RNPC3: variants seen among roughly 807,000 people sequenced by gnomAD.
The protein encoded by RNPC3 is RNA-binding region-containing protein 3.
A neutral mutation model predicts 67.5 loss-of-function variants in RNPC3; 48 were observed. The observed-to-expected ratio is 0.71, with a 90% confidence interval of 0.56 to 0.90. RNPC3 has a LOEUF of 0.90. Ranked by LOEUF, RNPC3 falls within the 40% of genes least tolerant of loss-of-function variation. RNPC3 has a pLI of 0.00. For synonymous variants in RNPC3, 239 were observed against 210.3 expected (o/e 1.14, Z -1.18); for missense variants, 637 against 626.1 (o/e 1.02, Z -0.19).
At chr1:103,547,750 T>C (rs1288718791) in intron 12 of RNPC3, among the ~76,000 whole-genome samples, 2 of 152,208 alleles carry the variant, frequency 1.3e-5, no homozygotes, top group Non-Finnish European at 1.5e-5. Flanking sequence ...ATAAATGTTA[T>C]AAAAGCTAAT....
At chr1:103,537,115 C>T (rs142807314) in intron 6 of RNPC3, among the ~76,000 whole-genome samples, 12 of 152,016 alleles carry the variant, frequency 7.9e-5, no homozygotes, top group Non-Finnish European at 1.8e-4. Context: ...AGAAATATAA[C>T]TGCAGAGGAG....
In RNPC3 at chr1:103,536,127, T is replaced by A; in HGVS notation, c.557T>A (p.Val186Asp). Residue 186 changes from valine (V) to aspartate (D), a missense_variant and splice_region_variant, in exon 6 of 15, where the codon GTC becomes GAC. Physicochemically the swap from Val to Asp is radical, Grantham distance 152. Transcript: ENST00000423855. ...ATTTAAATGTCTTACCACTTTAAGGTCCTTCATCTTATGAATAAAATGAAT... is the reference window on the plus strand; with the variant it reads ...ATTTAAATGTCTTACCACTTTAAGGACCTTCATCTTATGAATAAAATGAAT... ...LASVPKFYVQ[V>D]LHLMNKMNLP... 6.5e-7 allele frequency: 1 copy of A among 1,532,148 alleles called. No individual in the cohort carries two copies. Among genetic ancestry groups the A allele is most frequent in the Non-Finnish European group, 8.8e-7 (1 of 1,142,414 alleles). 94.9% of individuals were successfully genotyped at this position (1,532,148 alleles called of 1,614,324 possible). A position where few individuals can be genotyped will look rare whatever the true frequency, so the allele number is the denominator to read the frequency against.
chr1:103,551,045 A>G lies in RNPC3; in HGVS notation c.1466A>G (p.Tyr489Cys). Residue 489 changes from tyrosine to cysteine, a missense_variant, in exon 13 of 15, where the codon TAT becomes TGT. Around this residue, in one of 3 missense-constraint regions of RNPC3, gnomAD observed 96 missense variants for 105.8 expected, o/e 0.91. Transcript: ENST00000423855. ...AAKALKEANG[Y>C]VLFGKPMVVQ... is the part of the protein sequence containing the mutation. ...AAAGCCTTAAAGGAAGCTAATGGATATGTGCTTTTTGGAAAACCCATGGTG... is the reference window on the plus strand; with the variant it reads ...AAAGCCTTAAAGGAAGCTAATGGATGTGTGCTTTTTGGAAAACCCATGGTG... 1 of 1,612,374 alleles carries G rather than the reference A, an allele frequency of 6.2e-7. No homozygotes were observed. The highest frequency in any genetic ancestry group is 8.5e-7 in the Non-Finnish European group (1 of 1,179,312).
rs376314663 is a variant in RNPC3 at position 103,537,436 on chromosome 1, C to G, written c.719C>G (p.Ser240Cys). Residue 240 changes from serine to cysteine, a missense_variant, in exon 7 of 15, where the codon TCT (serine) becomes TGT (cysteine). This residue lies in a region of RNPC3 where 536 missense variants were observed against 500.3 expected (regional missense o/e 1.07). Transcript: ENST00000423855. ...TTGCCAGACGAGGATGAGGAATTAT[C>G]TAGTGAAGAATCAGAATATGAAAGC... ...PPLPDEDEEL[S>C]SEESEYESTD... The G allele has an allele frequency of 1.4e-4, 217 of 1,536,586 alleles. No individual in the cohort carries two copies. Among genetic ancestry groups the G allele is most frequent in the Non-Finnish European group, 1.8e-4 (209 of 1,146,606 alleles).
At position 103,546,366 on chromosome 1, in the gene RNPC3, C is replaced by A. The variant is rs745534540; in HGVS notation, c.1302+24C>A. On this transcript the variant is annotated intron_variant, in intron 11 of 14. Coordinates refer to ENST00000423855, the MANE Select transcript of RNPC3 (RefSeq NM_017619.4). The stretch of plus-strand genomic sequence containing the variant: ...AGGTAGGTATAAATTGATTTTTTTT[C>A]ATGTAAATGAAAATAATTTGAAGGT... 36 of 1,157,070 alleles carry A rather than the reference C, an allele frequency of 3.1e-5. 1 individual carries two copies. In the South Asian group the frequency reaches 5.2e-4, roughly 17 times the overall value. 71.7% of individuals were successfully genotyped at this position (1,157,070 alleles called of 1,614,324 possible).
At chr1:103,553,327 C>T (rs1375122627) in intron 14 of RNPC3, 2 of 152,142 alleles carry the variant, frequency 1.3e-5, no homozygotes, top group Non-Finnish European at 2.9e-5. Flanking sequence ...TGTATCCTTT[C>T]TTGTCGTATC....
At chr1:103,542,770 A>C (rs1478569725) in intron 8 of RNPC3, among the ~76,000 whole-genome samples, 2 of 151,820 alleles carry the variant, frequency 1.3e-5, no homozygotes, top group African/African-American at 4.8e-5. Flanking sequence ...GTATGAAAAC[A>C]TAATGTAAAA....
At chr1:103,532,110 G>A (rs377709136) in intron 2 of RNPC3, among the ~76,000 whole-genome samples, 1 of 152,036 alleles carries the variant, frequency 6.6e-6, no homozygotes, top group African/African-American at 2.4e-5. Context: ...TTATGTTTTT[G>A]TTTGCTTTCT....
intron 13 of RNPC3, 94 bp downstream of exon 13, chr1:103,551,167 A>G (rs1346503102): frequency 3.1e-5 from 33 of 1,069,340 alleles, no homozygotes; most frequent in Middle Eastern, 2.8e-4. Context: ...AATTTCCACA[A>G]TTGGCATTCT....
chr1:103,538,340 T>C (rs554016779), intron 7 of RNPC3, among the ~76,000 whole-genome samples: 1 of 152,276 alleles, frequency 6.6e-6, no homozygotes, highest in East Asian at 1.9e-4. Flanking sequence ...TTTTTGAGTT[T>C]TTTTGTTGTG....
At chr1:103,550,871 G>A in intron 12 of RNPC3, 70 bp from the exon 13 acceptor site, 7 of 1,470,266 alleles carry the variant, frequency 4.8e-6, no homozygotes, top group Non-Finnish European at 2.8e-6. Flanking sequence ...CAAAATGTTA[G>A]ATTATTCAAC....
Position 103,555,233 on chromosome 1 carries a change from A to C in RNPC3, c.*212A>C, listed in dbSNP as rs1405544285. 6.6e-6 allele frequency: 1 copy of C among 152,024 alleles called. No homozygotes were observed. The highest frequency in any genetic ancestry group is 1.5e-5 in the Non-Finnish European group (1 of 67,970). 9.4% of individuals were successfully genotyped at this position (152,024 alleles called of 1,614,324 possible). A position where few individuals can be genotyped will look rare whatever the true frequency, so the allele number is the denominator to read the frequency against. ...AAATATAATAAATTGTTTCCTTTCCAATAAAATAGTGTTTGTATTTTTTCT... is the reference window on the plus strand; with the variant it reads ...AAATATAATAAATTGTTTCCTTTCCCATAAAATAGTGTTTGTATTTTTTCT... On this transcript the variant is annotated 3_prime_UTR_variant, in exon 15 of 15. Transcript: ENST00000423855.
intron 2 of RNPC3, among the ~76,000 whole-genome samples, chr1:103,533,140 G>A (rs1650900564): frequency 6.6e-6 from 1 of 152,040 alleles, no homozygotes; most frequent in African/African-American, 2.4e-5. Flanking sequence ...TATAAGTTAA[G>A]CAGCTGGATT....
intron 2 of RNPC3, among the ~76,000 whole-genome samples, chr1:103,533,523 G>C (rs756696498): frequency 7.9e-5 from 12 of 151,986 alleles, no homozygotes; most frequent in Non-Finnish European, 1.8e-4. Context: ...CTGGCATAAA[G>C]TGGGATTTAG....
At chr1:103,540,941 G>A (rs1651110235) in intron 7 of RNPC3, among the ~76,000 whole-genome samples, 1 of 152,038 alleles carries the variant, frequency 6.6e-6, no homozygotes, top group African/African-American at 2.4e-5. Context: ...ACATATTTCA[G>A]TCCAGGCTCC....
At chr1:103,551,195 C>T (rs1368073371) in intron 13 of RNPC3, 122 bp downstream of exon 13, 6 of 797,458 alleles carry the variant, frequency 7.5e-6, no homozygotes, top group Admixed American at 6.4e-5. Flanking sequence ...GATATTCATT[C>T]GTTACAATTA....
At chr1:103,548,287 C>T (rs1339542064) in intron 12 of RNPC3, among the ~76,000 whole-genome samples, 1 of 152,132 alleles carries the variant, frequency 6.6e-6, no homozygotes, top group Admixed American at 6.5e-5. Flanking sequence ...TGTCAGACTG[C>T]AAATTTTCCG....
At chr1:103,529,509 A>T (rs375068603) in intron 2 of RNPC3, among the ~76,000 whole-genome samples, 4 of 152,054 alleles carry the variant, frequency 2.6e-5, no homozygotes, top group East Asian at 3.9e-4. Flanking sequence ...AAAGGGAGAA[A>T]TGTTCAAGAA....
intron 9 of RNPC3, among the ~76,000 whole-genome samples, chr1:103,544,133 T>G (rs1448651520): frequency 6.6e-6 from 1 of 151,796 alleles, no homozygotes; most frequent in Admixed American, 6.6e-5. Flanking sequence ...AGGCAAATAC[T>G]GTTAGCAATT....
Sources: allele counts gnomAD v4.1 joint callset (sites outside exome capture counted in the v4.1 genomes callset), GRCh38; gene constraint gnomAD v4.1.1; regional missense constraint gnomAD v4.1.1; transcripts MANE v1.5; gene names NCBI Gene and HGNC (gene_info 2026-07-23, HGNC 2026-07-21).